The following LOC122539214 variants were observed in gnomAD, a reference collection of about 807,000 sequenced individuals.
At chr19:52,673,906 C>G in the LOC122539214 span, among the ~76,000 whole-genome samples, 1 of 145,676 alleles carries the variant, frequency 6.9e-6, no homozygotes, top group Non-Finnish European at 1.5e-5. Flanking sequence ...ATCCCAGCTA[C>G]TAGGGAGGCT....
the LOC122539214 span, among the ~76,000 whole-genome samples, chr19:52,659,737 A>T: frequency 6.6e-6 from 1 of 152,358 alleles, no homozygotes; most frequent in South Asian, 2.1e-4. Flanking sequence ...AAACAAATTC[A>T]ACACCTTAAG....
At chr19:52,676,518 C>T in the LOC122539214 span, among the ~76,000 whole-genome samples, 1 of 151,572 alleles carries the variant, frequency 6.6e-6, no homozygotes, top group Non-Finnish European at 1.5e-5. Context: ...CAGCCCCCGC[C>T]CGGCCAGCCG....
the LOC122539214 span, among the ~76,000 whole-genome samples, chr19:52,685,203 G>A: frequency 6.6e-6 from 1 of 152,128 alleles, no homozygotes; most frequent in Non-Finnish European, 1.5e-5. Context: ...GGGTCACTCA[G>A]GGTGAGCTTT....
the LOC122539214 span, among the ~76,000 whole-genome samples, chr19:52,679,661 C>T: frequency 6.6e-6 from 1 of 152,094 alleles, no homozygotes. Context: ...ACTTATCAGT[C>T]AGTGTGATGC....
chr19:52,674,801 C>G, the LOC122539214 span, among the ~76,000 whole-genome samples: 1 of 152,138 alleles, frequency 6.6e-6, no homozygotes, highest in African/African-American at 2.4e-5. Context: ...GATTGGAAAA[C>G]TTAATCTCGT....
At chr19:52,651,093 G>A in the LOC122539214 span, 1 of 152,232 alleles carries the variant, frequency 6.6e-6, no homozygotes, top group Non-Finnish European at 1.5e-5. Context: ...TACTTGTAAA[G>A]TAGTCAGATT....
chr19:52,681,279 T>TCA, the LOC122539214 span, among the ~76,000 whole-genome samples: 1 of 15,024 alleles, frequency 6.7e-5, no homozygotes, highest in Non-Finnish European at 1.5e-4. Flanking sequence ...TGAGACTTTC[T>TCA]CAAAAAAAAA....
At chr19:52,687,732 G>A in the LOC122539214 span, among the ~76,000 whole-genome samples, 1 of 144,184 alleles carries the variant, frequency 6.9e-6, no homozygotes, top group African/African-American at 2.6e-5. Flanking sequence ...GGCTGAGGTA[G>A]GAGGATCACT....
the LOC122539214 span, among the ~76,000 whole-genome samples, chr19:52,690,183 A>G: frequency 1.3e-4 from 3 of 22,834 alleles, no homozygotes; most frequent in Non-Finnish European, 2.6e-4. Context: ...TGATTTTGAG[A>G]AAAAAAAAAA....
the LOC122539214 span, among the ~76,000 whole-genome samples, chr19:52,682,878 CT>C: frequency 1.3e-5 from 2 of 151,134 alleles, no homozygotes; most frequent in Admixed American, 6.6e-5. Context: ...CTCTGTCTCT[CT>C]TTTTTTTTCT....
the LOC122539214 span, among the ~76,000 whole-genome samples, chr19:52,664,162 T>C: frequency 4.0e-5 from 6 of 149,388 alleles, no homozygotes; most frequent in Middle Eastern, 3.5e-3. Context: ...GGATTACAGG[T>C]GTGAGCCACT....
the LOC122539214 span, among the ~76,000 whole-genome samples, chr19:52,679,492 G>T: frequency 0.22 from 32,817 of 152,022 alleles, 3,740 homozygotes; most frequent in Non-Finnish European, 0.24. Context: ...ATGCTTATAA[G>T]CCCTGCTACA....
At chr19:52,653,267 C>A in the LOC122539214 span, 2 of 1,485,078 alleles carry the variant, frequency 1.3e-6, no homozygotes, top group South Asian at 1.1e-5. Flanking sequence ...TAATGACATG[C>A]AAGGTGTGCT....
the LOC122539214 span, among the ~76,000 whole-genome samples, chr19:52,680,553 T>G: frequency 2.2e-3 from 328 of 152,130 alleles, no homozygotes; most frequent in Non-Finnish European, 3.6e-3. Flanking sequence ...CGTTAAGGTA[T>G]TTTGGCACAT....
chr19:52,680,330 C>G, the LOC122539214 span, among the ~76,000 whole-genome samples: 437 of 152,288 alleles, frequency 2.9e-3, 3 homozygotes, highest in African/African-American at 1.0e-2. Context: ...TCTCCCACAT[C>G]ACTTCCCTGT....
chr19:52,659,722 A>G, the LOC122539214 span, among the ~76,000 whole-genome samples: 1 of 152,188 alleles, frequency 6.6e-6, no homozygotes, highest in Non-Finnish European at 1.5e-5. Flanking sequence ...TTCAGGATGC[A>G]AAAGAAACAA....
chr19:52,685,081 T>C, the LOC122539214 span, among the ~76,000 whole-genome samples: 1 of 152,344 alleles, frequency 6.6e-6, no homozygotes, highest in South Asian at 2.1e-4. Context: ...TTCTTCATTT[T>C]TGGGGTACTG....
chr19:52,684,223 G>C, the LOC122539214 span, among the ~76,000 whole-genome samples: 2 of 152,152 alleles, frequency 1.3e-5, no homozygotes, highest in South Asian at 4.2e-4. Context: ...ATAAAAAGTA[G>C]CCTGGCTTGG....
the LOC122539214 span, among the ~76,000 whole-genome samples, chr19:52,660,476 A>G: frequency 2.7e-5 from 4 of 146,632 alleles, no homozygotes; most frequent in South Asian, 8.3e-4. Flanking sequence ...AAATTAGCCC[A>G]GAGTGGTGGT....
Sources: allele counts gnomAD v4.1 joint callset (sites outside exome capture counted in the v4.1 genomes callset), GRCh38; gene constraint gnomAD v4.1.1; transcripts MANE v1.5.